GPC5: variants seen among roughly 807,000 people sequenced by gnomAD.
The protein encoded by GPC5 is glypican-5.
Under a neutral mutation model 53.9 loss-of-function variants are expected in GPC5, and 47 were observed. The ratio of observed to expected loss-of-function variants is 0.87; its 90% CI spans 0.69 to 1.11. The LOEUF is 1.11. Among genes scored for constraint, GPC5 ranks in the 50% most tolerant of loss-of-function variants. The probability of loss-of-function intolerance (pLI) is 0.00; values close to 1 mark genes in which losing one functional copy is unlikely to be tolerated. For synonymous variants in GPC5, 286 were observed against 263.3 expected (o/e 1.09, Z -0.84); for missense variants, 748 against 713.1 (o/e 1.05, Z -0.56).
At chr13:92,290,588 G>C (rs1239905226) in intron 7 of GPC5, among the ~76,000 whole-genome samples, 1 of 152,166 alleles carries the variant, frequency 6.6e-6, no homozygotes, top group East Asian at 1.9e-4. Flanking sequence ...TAGGATGTTT[G>C]GTTTTCCATT....
intron 7 of GPC5, among the ~76,000 whole-genome samples, chr13:92,609,754 C>T (rs1444705769): frequency 3.3e-5 from 5 of 152,104 alleles, no homozygotes; most frequent in East Asian, 1.9e-4. Context: ...AAGTTCAGGC[C>T]GGCATGTTGG....
At chr13:92,035,327 C>G (rs73623527) in intron 6 of GPC5, among the ~76,000 whole-genome samples, 2,952 of 152,188 alleles carry the variant, frequency 0.019, 110 homozygotes, top group African/African-American at 0.068. Flanking sequence ...ATTACTTCCT[C>G]TCCCTGGCAG....
At chr13:91,617,306 G>C (rs1452330781) in intron 2 of GPC5, among the ~76,000 whole-genome samples, 4 of 152,148 alleles carry the variant, frequency 2.6e-5, no homozygotes, top group Non-Finnish European at 5.9e-5. Flanking sequence ...AGACCGTGTA[G>C]AGAAGATGCT....
intron 6 of GPC5, among the ~76,000 whole-genome samples, chr13:92,035,559 CTT>C (rs2040886099): frequency 6.6e-6 from 1 of 152,044 alleles, no homozygotes; most frequent in Non-Finnish European, 1.5e-5. Context: ...AAAACCATCT[CTT>C]TGTACATTTT....
At chr13:92,254,863 C>T (rs560956527) in intron 7 of GPC5, among the ~76,000 whole-genome samples, 2 of 152,198 alleles carry the variant, frequency 1.3e-5, no homozygotes, top group South Asian at 4.1e-4. Flanking sequence ...CCCATGGGGT[C>T]CCTCCCCCAG....
chr13:92,259,407 A>C (rs2042749485), intron 7 of GPC5, among the ~76,000 whole-genome samples: 1 of 152,180 alleles, frequency 6.6e-6, no homozygotes, highest in South Asian at 2.1e-4. Context: ...CTGTTCCTTT[A>C]AAATGTGTTC....
chr13:91,471,869 A>G (rs980335271), intron 2 of GPC5, among the ~76,000 whole-genome samples: 1 of 152,130 alleles, frequency 6.6e-6, no homozygotes, highest in African/African-American at 2.4e-5. Flanking sequence ...AAGTCTAGAT[A>G]GATTTAGTTC....
intron 7 of GPC5, among the ~76,000 whole-genome samples, chr13:92,452,649 C>A (rs1878110858): frequency 6.6e-6 from 1 of 152,108 alleles, no homozygotes; most frequent in South Asian, 2.1e-4. Flanking sequence ...CTCACTGCAA[C>A]CTCTGCCTCC....
intron 2 of GPC5, among the ~76,000 whole-genome samples, chr13:91,554,362 T>C (rs1361019014): frequency 6.6e-6 from 1 of 151,510 alleles, no homozygotes; most frequent in Non-Finnish European, 1.5e-5. Flanking sequence ...GGCACATATA[T>C]GTACACAGAC....
At chr13:92,698,428 G>T (rs1275952728) in intron 7 of GPC5, among the ~76,000 whole-genome samples, 2 of 151,422 alleles carry the variant, frequency 1.3e-5, no homozygotes, top group Non-Finnish European at 2.9e-5. Context: ...TTGGTTTTTT[G>T]TCCTTGCGAT....
chr13:91,691,174 A>G (rs574674989), intron 2 of GPC5, among the ~76,000 whole-genome samples: 2 of 152,322 alleles, frequency 1.3e-5, no homozygotes, highest in South Asian at 4.1e-4. Flanking sequence ...TCAGGTTATC[A>G]TAGTGGAATG....
intron 6 of GPC5, among the ~76,000 whole-genome samples, chr13:92,048,873 T>C (rs1310616973): frequency 1.3e-5 from 2 of 152,204 alleles, no homozygotes; most frequent in Non-Finnish European, 2.9e-5. Flanking sequence ...TATGTATTGC[T>C]GGTCCTTAAC....
intron 7 of GPC5, among the ~76,000 whole-genome samples, chr13:92,320,275 T>C (rs191142885): frequency 2.6e-5 from 4 of 152,280 alleles, no homozygotes; most frequent in African/African-American, 9.6e-5. Flanking sequence ...TAAATTCTCA[T>C]CTCAAATATT....
At chr13:92,526,673 A>G (rs1281641821) in intron 7 of GPC5, among the ~76,000 whole-genome samples, 1 of 152,022 alleles carries the variant, frequency 6.6e-6, no homozygotes, top group Admixed American at 6.6e-5. Context: ...CAAGGAAAGA[A>G]TAGAAACAGG....
chr13:91,620,650 A>G (rs2033829021), intron 2 of GPC5, among the ~76,000 whole-genome samples: 1 of 152,132 alleles, frequency 6.6e-6, no homozygotes, highest in African/African-American at 2.4e-5. Context: ...CTTTATGGCC[A>G]TGATGCCTCT....
chr13:92,610,969 T>TA (rs55782249), intron 7 of GPC5, among the ~76,000 whole-genome samples: 1,805 of 9,156 alleles, frequency 0.2, 23 homozygotes, highest in East Asian at 0.5. Flanking sequence ...TCAATACATA[T>TA]TTTTTTTTTT....
intron 2 of GPC5, among the ~76,000 whole-genome samples, chr13:91,682,915 A>G (rs2035540102): frequency 6.6e-6 from 1 of 152,156 alleles, no homozygotes; most frequent in Non-Finnish European, 1.5e-5. Flanking sequence ...TTTGCAAATC[A>G]AGTGTAGATT....
intron 6 of GPC5, among the ~76,000 whole-genome samples, chr13:92,086,639 CTG>C (rs2041337620): frequency 6.6e-6 from 1 of 151,810 alleles, no homozygotes; most frequent in South Asian, 2.1e-4. Flanking sequence ...TTTACCAAAC[CTG>C]TCTCTCTCTC....
intron 7 of GPC5, among the ~76,000 whole-genome samples, chr13:92,258,844 T>C (rs2042745108): frequency 6.6e-6 from 1 of 152,120 alleles, no homozygotes; most frequent in African/African-American, 2.4e-5. Context: ...ATGGGAGGCT[T>C]AGGCAGGAGG....
Sources: allele counts gnomAD v4.1 joint callset (sites outside exome capture counted in the v4.1 genomes callset), GRCh38; gene constraint gnomAD v4.1.1; transcripts MANE v1.5; gene names NCBI Gene and HGNC (gene_info 2026-07-23, HGNC 2026-07-21).